The following RAPGEF1 variants were observed in gnomAD, a reference collection of about 807,000 sequenced individuals.
RAPGEF1 encodes Rap guanine nucleotide exchange factor 1.
A neutral mutation model predicts 143.3 loss-of-function variants in RAPGEF1; 33 were observed. The ratio of observed to expected loss-of-function variants is 0.23; its 90% confidence interval spans 0.17 to 0.31. The LOEUF (loss-of-function observed/expected upper bound fraction) is 0.31. Ranked by LOEUF, RAPGEF1 falls within the 10% of genes least tolerant of loss-of-function variation. The pLI is 1.00. For missense variants in RAPGEF1, 1,199 were observed against 1,645.4 expected, an observed-to-expected ratio of 0.73 and a Z score of 4.69; for synonymous variants, 629 against 676.5, an observed-to-expected ratio of 0.93 and a Z score of 1.09.
intron 12 of RAPGEF1, among the ~76,000 whole-genome samples, chr9:131,616,079 C>T (rs1403198602): frequency 6.6e-6 from 1 of 152,066 alleles, no homozygotes; most frequent in Non-Finnish European, 1.5e-5. Context: ...CCAGCCTGGC[C>T]AACGTGGTGA....
chr9:131,725,511 C>G (rs1220087609), intron 1 of RAPGEF1: 1 of 151,664 alleles, frequency 6.6e-6, no homozygotes, highest in Non-Finnish European at 1.5e-5. Context: ...CAGGCCAGAG[C>G]GCAGCAGCGC....
chr9:131,656,782 C>A (rs972991893), intron 1 of RAPGEF1, among the ~76,000 whole-genome samples: 1 of 152,240 alleles, frequency 6.6e-6, no homozygotes, highest in Non-Finnish European at 1.5e-5. Flanking sequence ...AAGGGCACTT[C>A]TGCCTATGAG....
chr9:131,577,294 G>T lies in RAPGEF1; in HGVS notation c.*2203C>A, dbSNP rs943851. 1 of 152,310 alleles carries T rather than the reference G, an allele frequency of 6.6e-6. No homozygotes were observed. Among genetic ancestry groups the T allele is most frequent in the Non-Finnish European group, 1.5e-5 (1 of 68,132 alleles). The allele number at this position is 152,310 out of a possible 1,614,324, so 9.4% of individuals were successfully genotyped here. A position where few individuals can be genotyped will look rare whatever the true frequency, so the allele number is the denominator to read the frequency against. On this transcript the variant is annotated 3_prime_UTR_variant, in exon 27 of 27. Transcript: ENST00000683357. Reference sequence around the variant, plus strand: ...CTGCTCAGAACACCAAGGGCTCCCAGTGAGGGCCTGGGGAATTGCCTGGGC... The same window carrying T: ...CTGCTCAGAACACCAAGGGCTCCCATTGAGGGCCTGGGGAATTGCCTGGGC...
rs1952427645 is a variant in RAPGEF1, at chr9:131,584,683, C to A, written c.3234-87G>T. The A allele has an allele frequency of 2.9e-6, 4 of 1,367,832 alleles. No homozygotes were observed. Among genetic ancestry groups the A allele is most frequent in the Non-Finnish European group, 3.1e-6 (3 of 964,130 alleles). The allele number at this position is 1,367,832 out of a possible 1,614,324, so 84.7% of individuals were successfully genotyped here. ...CCTGGTGGAGACAGGACCTGTACGA[C>A]CCCCATGCCAGTGGCCACGAGCCCA... On this transcript the variant is annotated intron_variant, in intron 22 of 26. Transcript: ENST00000683357. The surrounding 1 kb of genome is among the most constrained non-coding windows in gnomAD (Gnocchi z 6.8).
At chr9:131,630,196 G>A (rs1200645878) in intron 6 of RAPGEF1, 40 bp downstream of exon 6, 1 of 1,591,210 alleles carries the variant, frequency 6.3e-7, no homozygotes, top group African/African-American at 1.3e-5. Flanking sequence ...CTTTGCCACT[G>A]AGCGTGACAC....
chr9:131,605,021 G>T lies in RAPGEF1; in HGVS notation c.2229C>A (p.Ser743Arg), dbSNP rs946312031. The T allele has an allele frequency of 7.3e-7, 1 of 1,362,120 alleles. No homozygotes were observed. The highest frequency in any genetic ancestry group is 1.5e-5 in the African/African-American group (1 of 67,680). The allele number at this position is 1,362,120 out of a possible 1,614,324, so 84.4% of individuals were successfully genotyped here. ...AAGCCGAGAGAGGCCCGTCCACGGT[G>T]CTGGGAGGTGGACCGGCCATGGTTG... ...AVPTMAGPPP[S>R]TVDGPLSASQ... Residue 743 changes from serine to arginine, a missense_variant, in exon 13 of 27, where the codon AGC becomes AGA. Coordinates refer to ENST00000683357, the MANE Select transcript of RAPGEF1 (RefSeq NM_001377935.1).
intron 12 of RAPGEF1, among the ~76,000 whole-genome samples, chr9:131,612,569 G>A (rs1958191222): frequency 1.3e-5 from 2 of 152,308 alleles, no homozygotes; most frequent in Admixed American, 1.3e-4. Context: ...TCGCTCCTGG[G>A]CTCAGGAGGT....
rs1013470953 is a variant in RAPGEF1, at chr9:131,676,245, G to A, written c.62-25296C>T. ...GAGGTGGGCATGGGCAGCCGCTGGG[G>A]GTTCTTCCCAGCGCACCCTGAGGAA... On this transcript the variant is annotated intron_variant, in intron 1 of 26. Transcript: ENST00000683357. Among the ~76,000 whole-genome samples, 9 of 152,184 alleles carry A rather than the reference G, an allele frequency of 5.9e-5. No homozygotes were observed. The East Asian group carries it at 1.3e-3, about 23-fold the overall frequency.
chr9:131,587,180 T>A (rs1302619825), intron 22 of RAPGEF1, among the ~76,000 whole-genome samples: 3 of 82,138 alleles, frequency 3.7e-5, no homozygotes, highest in African/African-American at 5.7e-5. Context: ...AGACTCCGTC[T>A]CAAACACACA....
At position 131,621,180 on chromosome 9, in the gene RAPGEF1, T is replaced by C. The variant is rs1960867989; in HGVS notation, c.1905+616A>G. On this transcript the variant is annotated intron_variant, in intron 11 of 26. Transcript: ENST00000683357. The surrounding 1 kb of genome is among the most constrained non-coding windows in gnomAD (Gnocchi z 4.5). ...CATGGGGTGCCCACGGTGGAACAGCTTGCCTTCTGTGCTGGCCCGTGCTTC... is the reference window on the plus strand; with the variant it reads ...CATGGGGTGCCCACGGTGGAACAGCCTGCCTTCTGTGCTGGCCCGTGCTTC... Among the ~76,000 whole-genome samples, 1 of 152,248 alleles carries C rather than the reference T, an allele frequency of 6.6e-6. No homozygotes were observed.
chr9:131,657,354 G>A (rs930079354), intron 1 of RAPGEF1, among the ~76,000 whole-genome samples: 3 of 152,192 alleles, frequency 2.0e-5, no homozygotes, highest in South Asian at 2.1e-4. Context: ...CTGCTGCGTC[G>A]CAGGCAGTGC....
intron 5 of RAPGEF1, among the ~76,000 whole-genome samples, chr9:131,632,473 T>C (rs1213098332): frequency 6.6e-6 from 1 of 152,124 alleles, no homozygotes; most frequent in Non-Finnish European, 1.5e-5. Context: ...AAAAATGTCA[T>C]GAATGTGTGC....
chr9:131,622,086 G>T, intron 10 of RAPGEF1, 88 bp from the exon 11 acceptor site: 1 of 1,302,342 alleles, frequency 7.7e-7, no homozygotes. Flanking sequence ...GCAGCTAGGG[G>T]GCTTTCCACT....
chr9:131,727,774 TATTTAGGGTAATTAATAG>T (rs1490811390), intron 1 of RAPGEF1, among the ~76,000 whole-genome samples: 1 of 149,928 alleles, frequency 6.7e-6, no homozygotes, highest in African/African-American at 2.5e-5. Context: ...CAACCTTGCA[TATTTAGGGTAATTAATAG>T]AGAAAGCTCC....
At chr9:131,701,822 T>C (rs538211683) in intron 1 of RAPGEF1, among the ~76,000 whole-genome samples, 27 of 152,378 alleles carry the variant, frequency 1.8e-4, no homozygotes, top group Admixed American at 4.6e-4. Context: ...AATTTCTTCA[T>C]TGGCAAAATT....
chr9:131,583,850 G>A lies in RAPGEF1; in HGVS notation c.3414+461C>T, dbSNP rs1341843737. 6.6e-6 allele frequency among the ~76,000 whole-genome samples: 1 copy of A among 152,176 alleles called. No homozygotes were observed. Among genetic ancestry groups the A allele is most frequent in the African/African-American group, 2.4e-5 (1 of 41,440 alleles). ...AGGAAACTCCTCCTCCTCTGCAGAT[G>A]GTGGCATGAGTGACACTTCCTCTGG... On this transcript the variant is annotated intron_variant, in intron 24 of 26. Transcript: ENST00000683357. The surrounding 1 kb of genome is among the most constrained non-coding windows in gnomAD (Gnocchi z 4.7).
rs557894479 is a variant in RAPGEF1, at chr9:131,734,747, T to A, written c.61+5023A>T. 2.0e-5 allele frequency among the ~76,000 whole-genome samples: 3 copies of A among 152,364 alleles called. No individual in the cohort carries two copies. In the South Asian group the frequency reaches 6.2e-4, roughly 32 times the overall value. ...TACATCATAGGGCCTGTACTCTTAG[T>A]ATCTGTTCTGAGAAAATATATCATG... On this transcript the variant is annotated intron_variant, in intron 1 of 26. Transcript: ENST00000683357.
chr9:131,673,321 A>C (rs889401966), intron 1 of RAPGEF1, among the ~76,000 whole-genome samples: 2 of 152,228 alleles, frequency 1.3e-5, no homozygotes, highest in African/African-American at 4.8e-5. Context: ...GGGCTGAAAC[A>C]TCAGTGTGTC....
chr9:131,618,201 T>C (rs1324452321), intron 12 of RAPGEF1, among the ~76,000 whole-genome samples: 1 of 152,212 alleles, frequency 6.6e-6, no homozygotes, highest in Non-Finnish European at 1.5e-5. Flanking sequence ...CTTGCACGCT[T>C]CCATTTGTTA....
Sources: allele counts gnomAD v4.1 joint callset (sites outside exome capture counted in the v4.1 genomes callset), GRCh38; gene constraint gnomAD v4.1.1; non-coding constraint Gnocchi (gnomAD v3.1); transcripts MANE v1.5; gene names NCBI Gene and HGNC (gene_info 2026-07-23, HGNC 2026-07-21).